The following TENM4 variants were observed in gnomAD, a reference collection of about 807,000 sequenced individuals.
TENM4 encodes teneurin-4.
A neutral mutation model predicts 243.3 loss-of-function variants in TENM4; 82 were observed. The observed-to-expected ratio is 0.34, with a 90% confidence interval of 0.28 to 0.40. TENM4 has a LOEUF of 0.40. Among genes scored for constraint, TENM4 ranks in the 10% least tolerant of loss-of-function variants. The pLI is 1.00. For synonymous variants in TENM4, 1,412 were observed against 1,456.3 expected (o/e 0.97, Z 0.69); for missense variants, 3,138 against 3,673.3 (o/e 0.85, Z 3.77).
At chr11:78,992,814 C>T (rs1165929008) in intron 6 of TENM4, among the ~76,000 whole-genome samples, 1 of 152,076 alleles carries the variant, frequency 6.6e-6, no homozygotes, top group African/African-American at 2.4e-5. Flanking sequence ...AGCTCTTTGC[C>T]CTTTGCTTTT....
chr11:79,226,867 G>A (rs1216741238), intron 2 of TENM4, among the ~76,000 whole-genome samples: 2 of 152,188 alleles, frequency 1.3e-5, no homozygotes, highest in Non-Finnish European at 2.9e-5. Flanking sequence ...TTCTAGAACA[G>A]GTGGGGGCCA....
At chr11:79,060,859 G>A (rs1047964037) in intron 6 of TENM4, among the ~76,000 whole-genome samples, 39 of 152,216 alleles carry the variant, frequency 2.6e-4, no homozygotes, top group African/African-American at 8.7e-4. Context: ...CCCCTGAGAA[G>A]TGACCACACT....
intron 2 of TENM4, among the ~76,000 whole-genome samples, chr11:79,244,955 T>A (rs1855487100): frequency 6.6e-6 from 1 of 152,184 alleles, no homozygotes; most frequent in African/African-American, 2.4e-5. Flanking sequence ...AGAAGGTAGC[T>A]AAGGAAGTAA....
rs1565188677 is a variant in TENM4, at chr11:79,064,722, CA to C, written c.493+15del. Reference sequence around the variant, plus strand: ...CACCACCCAGGCACCCGGCACAGACCAAACCAGCCACTCACCAGTCTCAGTG... The same window carrying C: ...CACCACCCAGGCACCCGGCACAGACCAACCAGCCACTCACCAGTCTCAGTG... On this transcript the variant is annotated intron_variant, in intron 6 of 33. Transcript: ENST00000278550. 1 of 1,551,494 alleles carries C rather than the reference CA, an allele frequency of 6.4e-7. No individual in the cohort carries two copies. Among genetic ancestry groups the C allele is most frequent in the South Asian group, 1.2e-5 (1 of 83,994 alleles).
At chr11:78,991,778 T>G (rs1858052685) in intron 6 of TENM4, among the ~76,000 whole-genome samples, 1 of 152,118 alleles carries the variant, frequency 6.6e-6, no homozygotes, top group South Asian at 2.1e-4. Flanking sequence ...CAGTAGGAAA[T>G]TAACCTCTGT....
chr11:79,241,137 A>G (rs1864580439), intron 2 of TENM4, among the ~76,000 whole-genome samples: 1 of 151,724 alleles, frequency 6.6e-6, no homozygotes, highest in South Asian at 2.1e-4. Flanking sequence ...TTTTTTTTCA[A>G]GGAAAAATAC....
chr11:78,859,518 G>T (rs771331852), intron 10 of TENM4, among the ~76,000 whole-genome samples: 3 of 152,152 alleles, frequency 2.0e-5, no homozygotes, highest in Non-Finnish European at 4.4e-5. Context: ...TGCTAAAATG[G>T]ATAGCTCAGT....
chr11:78,786,816 C>A, intron 16 of TENM4, 82 bp downstream of exon 16: 2 of 1,534,434 alleles, frequency 1.3e-6, no homozygotes, highest in Non-Finnish European at 1.8e-6. Context: ...CGATGAGGGC[C>A]CAGGCTGGCC....
intron 12 of TENM4, among the ~76,000 whole-genome samples, chr11:78,816,009 C>T (rs1857597781): frequency 6.6e-6 from 1 of 152,178 alleles, no homozygotes; most frequent in African/African-American, 2.4e-5. Context: ...GTATAGGATC[C>T]CCCAACTTCC....
intron 28 of TENM4, 122 bp downstream of exon 28, chr11:78,701,404 A>G: frequency 8.0e-7 from 1 of 1,255,846 alleles, no homozygotes; most frequent in Non-Finnish European, 1.1e-6. Context: ...TGTAGAATGT[A>G]TTATAAGTAA....
Position 79,064,797 on chromosome 11 carries a change from G to A in TENM4, c.434C>T (p.Ser145Phe), listed in dbSNP as rs1442450582. Residue 145 changes from serine to phenylalanine, a missense_variant, in exon 6 of 34, where the codon TCC becomes TTC. Ser to Phe is a radical substitution (Grantham distance 155). This residue lies in a region of TENM4 where 671 missense variants were observed against 614.1 expected (regional missense o/e 1.09). Coordinates refer to ENST00000278550, the MANE Select transcript of TENM4 (RefSeq NM_001098816.3). ...TGTGAGATTGGAATTGGCCCGGCTGGACAGGCAGGAGCTGCGCCCTGACCG... is the reference window on the plus strand; with the variant it reads ...TGTGAGATTGGAATTGGCCCGGCTGAACAGGCAGGAGCTGCGCCCTGACCG... ...STRSGRSSCL[S>F]SRANSNLTLT... is the part of the protein sequence containing the mutation. 1.3e-6 allele frequency: 2 copies of A among 1,551,584 alleles called. No homozygotes were observed.
rs1443542827 is a variant in TENM4, at chr11:78,729,444, G to C, written c.3338C>G (p.Ser1113Cys). Residue 1113 changes from serine to cysteine, a missense_variant, in exon 22 of 34, where the codon TCC becomes TGC. Coordinates refer to ENST00000278550, the MANE Select transcript of TENM4 (RefSeq NM_001098816.3). Reference sequence around the variant, plus strand: ...TGTCTTGTCCCAAATGAAATAATAGGACAGGTCTGGGGCTGCAGCGAACCA... The same window carrying C: ...TGTCTTGTCCCAAATGAAATAATAGCACAGGTCTGGGGCTGCAGCGAACCA... ...RKWFAAAPDL[S>C]YYFIWDKTDV... is the part of the protein sequence containing the mutation. 1 of 1,604,126 alleles carries C rather than the reference G, an allele frequency of 6.2e-7. No individual in the cohort carries two copies. The highest frequency in any genetic ancestry group is 8.5e-7 in the Non-Finnish European group (1 of 1,174,936).
intron 6 of TENM4, among the ~76,000 whole-genome samples, chr11:79,007,484 G>C (rs1323616177): frequency 6.6e-6 from 1 of 152,166 alleles, no homozygotes; most frequent in Non-Finnish European, 1.5e-5. Flanking sequence ...AGCAGTGGCT[G>C]TGTCAGGCAT....
In TENM4 at chr11:78,669,575, T is replaced by A. The variant is rs1467210008; in HGVS notation, c.6770A>T (p.Glu2257Val). 6.2e-7 allele frequency: 1 copy of A among 1,613,968 alleles called. No homozygotes were observed. The highest frequency in any genetic ancestry group is 1.1e-5 in the South Asian group (1 of 91,078). ...RLGDVQYKMDEDGFLRQRGGD... is the reference protein window; with the variant it reads ...RLGDVQYKMDVDGFLRQRGGD... ...GCCCCGCTGCCTCAGGAAGCCATCC[T>A]CATCCATCTTGTATTGCACGTCACC... The change falls in exon 32 of 34, where the codon GAG becomes GTG. Residue 2257 changes from glutamate (E) to valine (V), a missense_variant. Coordinates refer to ENST00000278550, the MANE Select transcript of TENM4 (RefSeq NM_001098816.3). This position sits in a 1 kb window ranked among gnomAD's most constrained non-coding sequence, Gnocchi z 6.4.
At chr11:79,106,776 C>T (rs766947377) in intron 4 of TENM4, among the ~76,000 whole-genome samples, 1 of 152,176 alleles carries the variant, frequency 6.6e-6, no homozygotes, top group Non-Finnish European at 1.5e-5. Flanking sequence ...TCTGCTGACC[C>T]GCATCTTCTG....
intron 1 of TENM4, among the ~76,000 whole-genome samples, chr11:79,340,235 A>C (rs1236231460): frequency 1.3e-5 from 2 of 152,174 alleles, no homozygotes; most frequent in African/African-American, 4.8e-5. Context: ...AATGGCTTCC[A>C]ATAAAGGGGC....
intron 2 of TENM4, among the ~76,000 whole-genome samples, chr11:79,238,895 C>T (rs1026626560): frequency 3.3e-5 from 5 of 152,140 alleles, no homozygotes; most frequent in Non-Finnish European, 5.9e-5. Flanking sequence ...TGTGGTGGCA[C>T]ATGCCTGTAA....
At chr11:79,137,483 T>C (rs1262748879) in intron 4 of TENM4, among the ~76,000 whole-genome samples, 1 of 151,792 alleles carries the variant, frequency 6.6e-6, no homozygotes, top group Non-Finnish European at 1.5e-5. Context: ...GTTTGGATCA[T>C]GCCACCAGGC....
At chr11:78,969,882 A>C (rs1241694505) in intron 6 of TENM4, among the ~76,000 whole-genome samples, 1 of 152,254 alleles carries the variant, frequency 6.6e-6, no homozygotes, top group Non-Finnish European at 1.5e-5. Flanking sequence ...GACACCTAGA[A>C]AGAAAATAAA....
Sources: gnomAD v4.1 joint callset for allele counts (sites outside exome capture counted in the v4.1 genomes callset) on GRCh38, gnomAD v4.1.1 for gene constraint, gnomAD v4.1.1 regional missense constraint, Gnocchi (gnomAD v3.1) non-coding constraint, MANE v1.5 for transcripts, NCBI Gene and HGNC (gene_info 2026-07-23, HGNC 2026-07-21) for gene names.